Variants in PLCXD2 observed in about 807,000 individuals in gnomAD.
PLCXD2 encodes the protein PI-PLC X domain-containing protein 2.
Under a neutral mutation model 28.6 loss-of-function variants are expected in PLCXD2, and 21 were observed. The observed-to-expected ratio is 0.73, with a 90% CI of 0.52 to 1.06. The LOEUF (loss-of-function observed/expected upper bound fraction) is 1.06. PLCXD2 is among the 50% of genes least tolerant of loss of function. The pLI, the probability that PLCXD2 is intolerant of heterozygous loss-of-function variation, is 0.00. For missense variants in PLCXD2, 369 were observed against 376.7 expected (o/e 0.98, Z 0.17); for synonymous variants, 140 against 150.1 (o/e 0.93, Z 0.49).
At chr3:111,707,700 A>C (rs1421365876) in intron 1 of PLCXD2, among the ~76,000 whole-genome samples, 1 of 152,210 alleles carries the variant, frequency 6.6e-6, no homozygotes, top group Non-Finnish European at 1.5e-5. Flanking sequence ...TGCCAGCAAA[A>C]TATATGAAAA....
At chr3:111,706,930 G>A in intron 1 of PLCXD2, among the ~76,000 whole-genome samples, 1 of 151,946 alleles carries the variant, frequency 6.6e-6, no homozygotes, top group East Asian at 1.9e-4. Flanking sequence ...AGAGCACCTA[G>A]ATTTATGAGG....
intron 2 of PLCXD2, among the ~76,000 whole-genome samples, chr3:111,711,607 C>A (rs759586570): frequency 3.9e-5 from 6 of 152,090 alleles, no homozygotes; most frequent in Non-Finnish European, 8.8e-5. Context: ...ATTTCATTTA[C>A]TTAACATGCA....
intron 3 of PLCXD2, 126 bp downstream of exon 3, chr3:111,714,254 A>G (rs1941239011): frequency 3.0e-5 from 38 of 1,276,310 alleles, no homozygotes; most frequent in Non-Finnish European, 4.0e-5. Context: ...ACAAGCAAAA[A>G]ACTTTGTATT....
At chr3:111,685,376 C>A (rs1940779751) in intron 1 of PLCXD2, among the ~76,000 whole-genome samples, 1 of 152,154 alleles carries the variant, frequency 6.6e-6, no homozygotes, top group Admixed American at 6.5e-5. Flanking sequence ...TCTCTCTTGG[C>A]AGCTTGGGCA....
At chr3:111,694,159 T>G (rs889160326) in intron 1 of PLCXD2, among the ~76,000 whole-genome samples, 1 of 152,180 alleles carries the variant, frequency 6.6e-6, no homozygotes, top group African/African-American at 2.4e-5. Flanking sequence ...TTTTCCCCTT[T>G]GATTCTCACC....
chr3:111,703,628 G>A (rs1941077750), intron 1 of PLCXD2, among the ~76,000 whole-genome samples: 1 of 152,202 alleles, frequency 6.6e-6, no homozygotes, highest in Admixed American at 6.5e-5. Context: ...CAGCTGGGCT[G>A]TTAATGAAAT....
intron 3 of PLCXD2, among the ~76,000 whole-genome samples, chr3:111,716,837 G>C (rs1941273254): frequency 6.6e-6 from 1 of 152,090 alleles, no homozygotes; most frequent in Non-Finnish European, 1.5e-5. Context: ...AGGATATTAG[G>C]GTGGGCCCTA....
At chr3:111,726,749 T>C (rs931967893) in intron 3 of PLCXD2, 1 of 152,192 alleles carries the variant, frequency 6.6e-6, no homozygotes, top group African/African-American at 2.4e-5. Flanking sequence ...ATTAAACTGC[T>C]TACTTCAACT....
chr3:111,713,413 C>T (rs1050081053), intron 2 of PLCXD2, among the ~76,000 whole-genome samples: 3 of 152,170 alleles, frequency 2.0e-5, no homozygotes, highest in Admixed American at 2.0e-4. Context: ...TTTTGGTTAT[C>T]GCAGATATCT....
intron 1 of PLCXD2, among the ~76,000 whole-genome samples, chr3:111,687,844 C>CTGGCTAAT (rs1940817871): frequency 6.6e-6 from 1 of 152,084 alleles, no homozygotes; most frequent in African/African-American, 2.4e-5. Flanking sequence ...GCCATCACAC[C>CTGGCTAAT]TGGCTAATTT....
chr3:111,677,557 A>G (rs749482952), intron 1 of PLCXD2: 2 of 152,208 alleles, frequency 1.3e-5, no homozygotes, highest in Admixed American at 6.5e-5. Flanking sequence ...TCATAACTCC[A>G]TGAAGTAGGT....
rs553703493 is a variant in PLCXD2 at position 111,675,329 on chromosome 3, G to A, written c.84G>A (p.Ser28=). ...ACCCCAGCGGGACAAAGACATCATC[G>A]GAGGTCTGCAATGCCGACTGGATGG... is the stretch of plus-strand genomic sequence containing the variant. Residue 28 remains serine, a synonymous_variant, in exon 1 of 5, where the codon TCG becomes TCA. Coordinates refer to ENST00000477665, the MANE Select transcript of PLCXD2 (RefSeq NM_001185106.1). 30 of 1,614,102 alleles carry A rather than the reference G, an allele frequency of 1.9e-5. No individual in the cohort carries two copies. In the South Asian group the frequency reaches 2.9e-4, roughly 15 times the overall value.
Position 111,678,431 on chromosome 3 carries a change from G to A in PLCXD2, c.163+3023G>A, listed in dbSNP as rs968819697. Among the ~76,000 whole-genome samples, 15 of 152,298 alleles carry A rather than the reference G, an allele frequency of 9.8e-5. No individual in the cohort carries two copies. The East Asian group carries it at 1.3e-3, about 14-fold the overall frequency. On this transcript the variant is annotated intron_variant, in intron 1 of 4. Transcript: ENST00000477665. ...CATTTTCACTGATTTTTGTAAAAGC[G>A]TGATATTCTCTATGGACAAATGGAC...
intron 3 of PLCXD2, among the ~76,000 whole-genome samples, chr3:111,715,264 A>G (rs1207688865): frequency 1.3e-5 from 2 of 152,234 alleles, no homozygotes; most frequent in Non-Finnish European, 1.5e-5. Flanking sequence ...ATCCCGAATT[A>G]GAAGCTTTAT....
intron 1 of PLCXD2, among the ~76,000 whole-genome samples, chr3:111,687,741 C>T (rs982702561): frequency 1.3e-5 from 2 of 150,008 alleles, no homozygotes; most frequent in African/African-American, 4.9e-5. Context: ...AGCTGGAGTA[C>T]AGTGACGTGA....
chr3:111,716,181 A>T (rs984135403), intron 3 of PLCXD2, among the ~76,000 whole-genome samples: 1 of 152,190 alleles, frequency 6.6e-6, no homozygotes, highest in Non-Finnish European at 1.5e-5. Context: ...CTGCACATCA[A>T]CTGAAGGAGG....
At chr3:111,719,435 A>G (rs1941316720) in intron 3 of PLCXD2, among the ~76,000 whole-genome samples, 5 of 152,196 alleles carry the variant, frequency 3.3e-5, no homozygotes, top group African/African-American at 9.6e-5. Context: ...AAAGAATTGA[A>G]CAGATAACAG....
At chr3:111,720,026 A>C (rs2107874929) in intron 3 of PLCXD2, among the ~76,000 whole-genome samples, 1 of 152,276 alleles carries the variant, frequency 6.6e-6, no homozygotes, top group African/African-American at 2.4e-5. Flanking sequence ...GGATTGATGG[A>C]AGGATAGTGA....
intron 1 of PLCXD2, among the ~76,000 whole-genome samples, chr3:111,700,017 A>C (rs1559794747): frequency 6.6e-6 from 1 of 152,206 alleles, no homozygotes; most frequent in Non-Finnish European, 1.5e-5. Flanking sequence ...GGGAAACTAT[A>C]ATCTTACATT....
Sources: gnomAD v4.1 joint callset for allele counts (sites outside exome capture counted in the v4.1 genomes callset) on GRCh38, gnomAD v4.1.1 for gene constraint, MANE v1.5 for transcripts, NCBI Gene and HGNC (gene_info 2026-07-23, HGNC 2026-07-21) for gene names.